The following PSD3 variants were observed in gnomAD, a reference collection of about 807,000 sequenced individuals.
PSD3 encodes PH and SEC7 domain-containing protein 3.
Under a neutral mutation model 105.5 loss-of-function variants are expected in PSD3, and 49 were observed. The ratio of observed to expected loss-of-function variants is 0.46; its 90% CI spans 0.37 to 0.59. The LOEUF (loss-of-function observed/expected upper bound fraction) is 0.59. Ranked by LOEUF, PSD3 falls within the 20% of genes least tolerant of loss-of-function variation. The pLI is 0.00. For synonymous variants in PSD3, 557 were observed against 457.8 expected, an observed-to-expected ratio of 1.22 and a Z score of -2.77; for missense variants, 1,561 against 1,263.8, an observed-to-expected ratio of 1.24 and a Z score of -3.57.
chr8:18,579,718 G>GA (rs550010286), intron 12 of PSD3, among the ~76,000 whole-genome samples: 160 of 152,228 alleles, frequency 1.1e-3, no homozygotes, highest in Admixed American at 2.8e-3. Context: ...CATCAAGTCT[G>GA]AAAAATTGTA....
chr8:18,763,079 G>A (rs1452097766), intron 9 of PSD3: 3 of 474,470 alleles, frequency 6.3e-6, no homozygotes, highest in Non-Finnish European at 1.2e-5. Context: ...AAAATGACAT[G>A]GAACAACAGA....
chr8:18,673,579 C>T (rs1585578129), intron 9 of PSD3, among the ~76,000 whole-genome samples: 1 of 152,286 alleles, frequency 6.6e-6, no homozygotes, highest in East Asian at 1.9e-4. Context: ...AGCTGTTGTC[C>T]CAGGGTTTCC....
chr8:18,734,916 T>A (rs1804035628), intron 9 of PSD3, among the ~76,000 whole-genome samples: 3 of 152,136 alleles, frequency 2.0e-5, no homozygotes, highest in South Asian at 4.1e-4. Context: ...AAACGAACAG[T>A]CCTCATCTCA....
chr8:18,747,773 G>C (rs886222790), intron 9 of PSD3, among the ~76,000 whole-genome samples: 3 of 151,228 alleles, frequency 2.0e-5, no homozygotes, highest in East Asian at 1.9e-4. Flanking sequence ...AGTATGCAGA[G>C]AGCAACTCCA....
intron 1 of PSD3, among the ~76,000 whole-genome samples, chr8:18,969,661 C>T (rs1157021362): frequency 6.6e-6 from 1 of 152,188 alleles, no homozygotes; most frequent in Non-Finnish European, 1.5e-5. Flanking sequence ...ATTCAAATTA[C>T]TATATGGGAT....
intron 15 of PSD3, among the ~76,000 whole-genome samples, chr8:18,550,225 T>C (rs181998236): frequency 6.6e-6 from 1 of 152,240 alleles, no homozygotes; most frequent in Non-Finnish European, 1.5e-5. Context: ...CCTAATTCTT[T>C]GCAATCATCT....
chr8:18,588,746 C>T (rs768360746), intron 12 of PSD3, among the ~76,000 whole-genome samples: 5 of 152,180 alleles, frequency 3.3e-5, no homozygotes, highest in African/African-American at 7.2e-5. Context: ...AAGTTGTTCC[C>T]TTGTCAATAC....
chr8:18,592,385 T>C (rs1803676757), intron 12 of PSD3, among the ~76,000 whole-genome samples: 1 of 152,020 alleles, frequency 6.6e-6, no homozygotes, highest in South Asian at 2.1e-4. Flanking sequence ...ATACACATCA[T>C]TATGCAGACC....
At chr8:18,830,943 T>C (rs1813632180) in intron 4 of PSD3, among the ~76,000 whole-genome samples, 3 of 152,198 alleles carry the variant, frequency 2.0e-5, no homozygotes, top group African/African-American at 7.2e-5. Context: ...AAACCATTCA[T>C]TCTAGGAGGC....
intron 9 of PSD3, among the ~76,000 whole-genome samples, chr8:18,753,362 A>T (rs552424318): frequency 3.9e-5 from 6 of 151,976 alleles, no homozygotes; most frequent in Non-Finnish European, 7.4e-5. Flanking sequence ...TCCAAAAAAA[A>T]AAAAATCCAC....
At chr8:18,734,728 G>A (rs1175972068) in intron 9 of PSD3, among the ~76,000 whole-genome samples, 1 of 152,172 alleles carries the variant, frequency 6.6e-6, no homozygotes, top group Non-Finnish European at 1.5e-5. Flanking sequence ...ATATCTTCAA[G>A]ACCCTCTCCA....
At chr8:19,001,143 G>A (rs1041474410) in intron 1 of PSD3, among the ~76,000 whole-genome samples, 5 of 151,146 alleles carry the variant, frequency 3.3e-5, no homozygotes, top group African/African-American at 1.2e-4. Flanking sequence ...CACCCAGACT[G>A]GAATGCAGTG....
intron 1 of PSD3, among the ~76,000 whole-genome samples, chr8:19,073,326 G>C (rs771725515): frequency 1.3e-5 from 2 of 152,012 alleles, no homozygotes; most frequent in African/African-American, 4.8e-5. Context: ...CAAGGCGGGC[G>C]GATCACTTGG....
chr8:18,754,181 C>T (rs1239025249), intron 9 of PSD3, among the ~76,000 whole-genome samples: 1 of 152,120 alleles, frequency 6.6e-6, no homozygotes, highest in African/African-American at 2.4e-5. Context: ...GTCAGGAGTT[C>T]CGGATCAGCC....
rs552214689 is a variant in PSD3, at chr8:18,605,517, C to T, written c.2411-5083G>A. Among the ~76,000 whole-genome samples, 19 of 152,282 alleles carry T rather than the reference C, an allele frequency of 1.2e-4. No individual in the cohort carries two copies. In the South Asian group the frequency reaches 3.7e-3, roughly 30 times the overall value. On this transcript the variant is annotated intron_variant, in intron 11 of 15. Transcript: ENST00000327040. ...GGAACTAGCTTTGTCTCAGATGACA[C>T]TTCAGACTTTGGATTTCTGAGTTAA...
At chr8:18,660,691 T>A (rs552951176) in intron 9 of PSD3, among the ~76,000 whole-genome samples, 10 of 152,320 alleles carry the variant, frequency 6.6e-5, no homozygotes, top group African/African-American at 2.4e-4. Flanking sequence ...GGAAACTGCA[T>A]GAATATTTCT....
chr8:18,884,012 A>C (rs1357237903), intron 2 of PSD3, among the ~76,000 whole-genome samples: 1 of 152,206 alleles, frequency 6.6e-6, no homozygotes, highest in Non-Finnish European at 1.5e-5. Flanking sequence ...CTATTTTAAC[A>C]CTTGAAAATT....
intron 2 of PSD3, among the ~76,000 whole-genome samples, chr8:18,915,188 C>T (rs953743128): frequency 6.6e-6 from 1 of 152,064 alleles, no homozygotes; most frequent in Non-Finnish European, 1.5e-5. Flanking sequence ...ATACAAAAAT[C>T]ACCTCAAATG....
intron 12 of PSD3, among the ~76,000 whole-genome samples, chr8:18,592,456 C>T (rs1448712087): frequency 6.6e-6 from 1 of 152,064 alleles, no homozygotes; most frequent in Non-Finnish European, 1.5e-5. Flanking sequence ...AGCTTATTTA[C>T]CGAACACTTC....
Sources: allele counts gnomAD v4.1 joint callset (sites outside exome capture counted in the v4.1 genomes callset), GRCh38; gene constraint gnomAD v4.1.1; transcripts MANE v1.5; gene names NCBI Gene and HGNC (gene_info 2026-07-23, HGNC 2026-07-21).